RTN4RL1: variants seen among roughly 807,000 people sequenced by gnomAD.
RTN4RL1 encodes the protein reticulon 4 receptor like 1.
Under a neutral mutation model 25.6 loss-of-function variants are expected in RTN4RL1, and 7 were observed. The ratio of observed to expected loss-of-function variants is 0.27; its 90% CI spans 0.16 to 0.51. The LOEUF (loss-of-function observed/expected upper bound fraction) is 0.51. Ranked by LOEUF, RTN4RL1 falls within the 20% of genes least tolerant of loss-of-function variation. RTN4RL1 has a pLI of 0.97. For synonymous variants in RTN4RL1, 297 were observed against 288.2 expected, an observed-to-expected ratio of 1.03 and a Z score of -0.31; for missense variants, 500 against 615.6, an observed-to-expected ratio of 0.81 and a Z score of 1.99.
intron 1 of RTN4RL1, among the ~76,000 whole-genome samples, chr17:1,949,575 G>A (rs184563803): frequency 1.1e-4 from 16 of 152,252 alleles, no homozygotes; most frequent in Admixed American, 7.2e-4. Flanking sequence ...ATTCAGAACC[G>A]GCATCTAGAG....
chr17:1,962,887 G>A (rs1045862583), intron 1 of RTN4RL1, among the ~76,000 whole-genome samples: 5 of 148,508 alleles, frequency 3.4e-5, no homozygotes, highest in African/African-American at 1.2e-4. Context: ...AAAAAGAGAT[G>A]TGGGAAGGTA....
At chr17:2,017,492 C>A (rs929247638) in intron 1 of RTN4RL1, among the ~76,000 whole-genome samples, 2 of 152,232 alleles carry the variant, frequency 1.3e-5, no homozygotes, top group Admixed American at 1.3e-4. Context: ...GGCCTGCCCA[C>A]TCCTGGGAGC....
chr17:1,985,146 C>T (rs943466678), intron 1 of RTN4RL1, among the ~76,000 whole-genome samples: 3 of 152,220 alleles, frequency 2.0e-5, no homozygotes, highest in African/African-American at 7.2e-5. Context: ...GGTGAAGGAA[C>T]TTCCAGGAAG....
chr17:2,013,661 C>CTTGGGGT (rs1567528205), intron 1 of RTN4RL1, among the ~76,000 whole-genome samples: 71 of 121,154 alleles, frequency 5.9e-4, no homozygotes, highest in Middle Eastern at 4.1e-3. Context: ...CTCTCTCACC[C>CTTGGGGT]TGGAACATAA....
chr17:2,004,150 C>G (rs1173688988), intron 1 of RTN4RL1, among the ~76,000 whole-genome samples: 1 of 151,722 alleles, frequency 6.6e-6, no homozygotes, highest in Non-Finnish European at 1.5e-5. Context: ...GGGTGGATCA[C>G]GAGGTCAACA....
chr17:1,945,996 G>A (rs914697875), intron 1 of RTN4RL1, among the ~76,000 whole-genome samples: 1 of 152,202 alleles, frequency 6.6e-6, no homozygotes, highest in African/African-American at 2.4e-5. Context: ...CCTCCAGGGT[G>A]AGAGCAGAGA....
At position 1,936,597 on chromosome 17, in the gene RTN4RL1, G is replaced by T. The variant is rs748636006; in HGVS notation, c.1225C>A (p.Pro409Thr). 1.2e-5 allele frequency: 19 copies of T among 1,583,032 alleles called. No homozygotes were observed. Among genetic ancestry groups the T allele is most frequent in the Non-Finnish European group, 1.5e-5 (18 of 1,165,674 alleles). ...KRKGKCARRT[P>T]IRAPSGVQQA... is the part of the protein sequence containing the mutation. ...TGCACCCCGCTGGGGGCACGGATGG[G>T]GGTCCTGCGGGCACACTTGCCCTTC... Residue 409 changes from proline (P) to threonine (T), a missense_variant, in exon 2 of 2, where the codon CCC becomes ACC. Physicochemically the swap from Pro to Thr is conservative, Grantham distance 38. Coordinates refer to ENST00000331238, the MANE Select transcript of RTN4RL1 (RefSeq NM_178568.4).
chr17:1,986,699 A>G (rs1411724588), intron 1 of RTN4RL1, among the ~76,000 whole-genome samples: 1 of 151,878 alleles, frequency 6.6e-6, no homozygotes, highest in Non-Finnish European at 1.5e-5. Flanking sequence ...GAACTGTGAG[A>G]GAATAAATTT....
At chr17:1,962,756 G>T (rs534838899) in intron 1 of RTN4RL1, among the ~76,000 whole-genome samples, 1 of 151,412 alleles carries the variant, frequency 6.6e-6, no homozygotes, top group Admixed American at 6.6e-5. Context: ...CCAGCCACTC[G>T]GGAGGCTGAG....
rs917513831 is a variant in RTN4RL1 at position 1,998,670 on chromosome 17, C to T, written c.13+26183G>A. On this transcript the variant is annotated intron_variant, in intron 1 of 1. Coordinates refer to ENST00000331238, the MANE Select transcript of RTN4RL1 (RefSeq NM_178568.4). This position sits in a 1 kb window ranked among gnomAD's most constrained non-coding sequence, Gnocchi z 4.9. ...GATGTGGCCTCCGAGGTCGCCGCGG[C>T]GCTTTCCTGCCCAAGCTGGCGCTGC... Among the ~76,000 whole-genome samples, 1 of 151,686 alleles carries T rather than the reference C, an allele frequency of 6.6e-6. No individual in the cohort carries two copies. The highest frequency in any genetic ancestry group is 1.5e-5 in the Non-Finnish European group (1 of 67,920).
intron 1 of RTN4RL1, among the ~76,000 whole-genome samples, chr17:1,943,329 C>T (rs1915477429): frequency 6.6e-6 from 1 of 152,228 alleles, no homozygotes; most frequent in Non-Finnish European, 1.5e-5. Flanking sequence ...GGGCGTCCTC[C>T]ACGAAGGGCT....
chr17:1,939,848 G>T, intron 1 of RTN4RL1, among the ~76,000 whole-genome samples: 1 of 152,092 alleles, frequency 6.6e-6, no homozygotes, highest in East Asian at 1.9e-4. Context: ...ACCCTGGAGG[G>T]CCAGGCAGCC....
At chr17:1,955,718 G>T (rs1030338890) in intron 1 of RTN4RL1, among the ~76,000 whole-genome samples, 1 of 151,704 alleles carries the variant, frequency 6.6e-6, no homozygotes, top group African/African-American at 2.4e-5. Flanking sequence ...TGAGTAGCTG[G>T]GATTACAGGC....
intron 1 of RTN4RL1, among the ~76,000 whole-genome samples, chr17:2,006,546 A>G (rs534919970): frequency 6.6e-6 from 1 of 151,852 alleles, no homozygotes; most frequent in African/African-American, 2.4e-5. Context: ...TTGACCTACC[A>G]GGCTCAAGTG....
At chr17:1,953,168 G>C (rs1915720772) in intron 1 of RTN4RL1, among the ~76,000 whole-genome samples, 1 of 152,080 alleles carries the variant, frequency 6.6e-6, no homozygotes, top group Admixed American at 6.6e-5. Context: ...AGCACTTTGG[G>C]CGGCAAAGAT....
chr17:1,961,429 T>C (rs2066759907), intron 1 of RTN4RL1, among the ~76,000 whole-genome samples: 2 of 152,048 alleles, frequency 1.3e-5, no homozygotes, highest in South Asian at 4.1e-4. Context: ...CGTGACGGCC[T>C]CTCTAGTTTG....
At chr17:1,999,254 T>G (rs2066945252) in intron 1 of RTN4RL1, among the ~76,000 whole-genome samples, 1 of 151,394 alleles carries the variant, frequency 6.6e-6, no homozygotes, top group Non-Finnish European at 1.5e-5. Context: ...GAGACCATCC[T>G]GGCCAACATG....
intron 1 of RTN4RL1, among the ~76,000 whole-genome samples, chr17:1,939,352 C>CAATAAATAAATAAATAAATAAATAAATA (rs56045014): frequency 7.1e-6 from 1 of 139,898 alleles, no homozygotes; most frequent in Non-Finnish European, 1.6e-5. Flanking sequence ...AACTCCGTCT[C>CAATAAATAAATAAATAAATAAATAAATA]AATAAATAAA....
At chr17:1,962,841 G>A (rs368250934) in intron 1 of RTN4RL1, among the ~76,000 whole-genome samples, 12 of 142,416 alleles carry the variant, frequency 8.4e-5, no homozygotes, top group South Asian at 2.4e-4. Flanking sequence ...CAGCCTGGGC[G>A]GCAGAGGGAG....
Sources: allele counts gnomAD v4.1 joint callset (sites outside exome capture counted in the v4.1 genomes callset), GRCh38; gene constraint gnomAD v4.1.1; non-coding constraint Gnocchi (gnomAD v3.1); transcripts MANE v1.5; gene names NCBI Gene and HGNC (gene_info 2026-07-23, HGNC 2026-07-21).